ZC3H4: variants seen among roughly 807,000 people sequenced by gnomAD.
ZC3H4 encodes the protein zinc finger CCCH domain-containing protein 4.
Under a neutral mutation model 108.3 loss-of-function variants are expected in ZC3H4, and 13 were observed. The ratio of observed to expected loss-of-function variants is 0.12; its 90% confidence interval spans 0.08 to 0.19. The LOEUF (loss-of-function observed/expected upper bound fraction) is 0.19, where lower values mean the gene tolerates loss of function less well. ZC3H4 is among the 10% of genes least tolerant of loss of function. The pLI is 1.00. For synonymous variants in ZC3H4, 917 were observed against 749.6 expected, an observed-to-expected ratio of 1.22 and a Z score of -3.65; for missense variants, 1,734 against 1,838.8, an observed-to-expected ratio of 0.94 and a Z score of 1.04.
chr19:47,094,279 G>C, intron 3 of ZC3H4, 110 bp downstream of exon 3: 2 of 1,268,592 alleles, frequency 1.6e-6, no homozygotes, highest in South Asian at 2.7e-5. Flanking sequence ...TTTGAGATAA[G>C]CAAAGGCATT....
chr19:47,108,931 G>A lies in ZC3H4; in HGVS notation c.161+3493C>T, dbSNP rs190888491. Among the ~76,000 whole-genome samples, 63 of 152,180 alleles carry A rather than the reference G, an allele frequency of 4.1e-4. 1 individual carries two copies. In the East Asian group the frequency reaches 0.012, roughly 28 times the overall value. On this transcript the variant is annotated intron_variant, in intron 2 of 14. Coordinates refer to ENST00000253048, the MANE Select transcript of ZC3H4 (RefSeq NM_015168.2). ...TTAAAAAATAAAGGGGTTTTATGAC[G>A]AGAACATCCATATTTCCATGGTCAC...
chr19:47,090,963 G>A (rs938541867), intron 4 of ZC3H4, among the ~76,000 whole-genome samples: 2 of 152,154 alleles, frequency 1.3e-5, no homozygotes, highest in Non-Finnish European at 2.9e-5. Context: ...ACTTAAAACA[G>A]CTCTAAAAAA....
At chr19:47,093,935 G>A (rs200531590) in intron 4 of ZC3H4, 35 bp downstream of exon 4, 22 of 1,571,042 alleles carry the variant, frequency 1.4e-5, no homozygotes, top group Non-Finnish European at 1.8e-5. Context: ...ACTCCTCCCG[G>A]CCCCAGAGCT....
rs1197462184 is a variant in ZC3H4 at position 47,072,384 on chromosome 19, G to A, written c.1770C>T (p.Pro590=). Residue 590 remains proline (P), a synonymous_variant, in exon 12 of 15, where the codon CCC becomes CCT. Transcript: ENST00000253048. This position sits in a 1 kb window ranked among gnomAD's most constrained non-coding sequence, Gnocchi z 5.6. ...IPSLFEIVVR[P]TGQLAEKLGV... ...CCAGCTTCTCAGCCAGCTGTCCCGT[G>A]GGCCGCACCACGATCTCAAACAAGG... 3 of 1,613,240 alleles carry A rather than the reference G, an allele frequency of 1.9e-6. No homozygotes were observed. The highest frequency in any genetic ancestry group is 3.3e-5 in the Admixed American group (2 of 59,938).
chr19:47,086,716 G>A (rs538785007), intron 5 of ZC3H4, among the ~76,000 whole-genome samples, 178 bp from the exon 6 acceptor site: 2 of 152,038 alleles, frequency 1.3e-5, no homozygotes, highest in Admixed American at 1.3e-4. Flanking sequence ...GGACCCTCTG[G>A]TTCTCTCAAT....
chr19:47,086,277 G>A, intron 6 of ZC3H4, 107 bp downstream of exon 6: 2 of 1,296,682 alleles, frequency 1.5e-6, no homozygotes, highest in Non-Finnish European at 2.2e-6. Flanking sequence ...CTTCAGAAGG[G>A]CCGTATGTCT....
chr19:47,066,089 C>A lies in ZC3H4; in HGVS notation c.*267G>T. 3.0e-6 allele frequency: 1 copy of A among 334,276 alleles called. No homozygotes were observed. Among genetic ancestry groups the A allele is most frequent in the Non-Finnish European group, 5.4e-6 (1 of 184,320 alleles). 20.7% of individuals were successfully genotyped at this position (334,276 alleles called of 1,614,324 possible). Reference sequence around the variant, plus strand: ...CTGAGGCCAGGCACTGGCGAAAGTTCACAGGTTTGCGGGCATGAGTCGGTT... The same window carrying A: ...CTGAGGCCAGGCACTGGCGAAAGTTAACAGGTTTGCGGGCATGAGTCGGTT... On this transcript the variant is annotated 3_prime_UTR_variant, in exon 15 of 15. Coordinates refer to ENST00000253048, the MANE Select transcript of ZC3H4 (RefSeq NM_015168.2).
At chr19:47,073,637 C>T (rs1444072600) in intron 11 of ZC3H4, among the ~76,000 whole-genome samples, 1 of 152,186 alleles carries the variant, frequency 6.6e-6, no homozygotes, top group Non-Finnish European at 1.5e-5. Flanking sequence ...TGTTATGTAA[C>T]CGCCACCTCT....
At chr19:47,112,302 TTCCTCCTCCTCCTCCTCCTCC>T in intron 2 of ZC3H4, 101 bp downstream of exon 2, 1 of 1,051,826 alleles carries the variant, frequency 9.5e-7, no homozygotes, top group Non-Finnish European at 1.2e-6. Flanking sequence ...GACCCCGCCC[TTCCTCCTCCTCCTCCTCCTCC>T]TCCTCCTCCG....
chr19:47,066,360 T>C lies in ZC3H4; in HGVS notation c.3908A>G (p.Gln1303Arg). Reference sequence around the variant, plus strand: ...AGCCGCAGCTCTGGCTGGACACTACTGGCAAAAGGGGGAGGCCGTGGGGTC... The same window carrying C: ...AGCCGCAGCTCTGGCTGGACACTACCGGCAAAAGGGGGAGGCCGTGGGGTC... The part of the protein sequence containing the change: ...GFDPTASPFC[Q>R] The change falls in exon 15 of 15, where the codon CAG becomes CGG. Residue 1303 changes from glutamine (Q) to arginine (R), a missense_variant. By Grantham distance (43) the Gln-to-Arg change is conservative. This residue lies in a region of ZC3H4 where 518 missense variants were observed against 499.6 expected (regional missense o/e 1.04). Transcript: ENST00000253048. The C allele has an allele frequency of 6.5e-7, 1 of 1,544,976 alleles. No homozygotes were observed. Among genetic ancestry groups the C allele is most frequent in the Non-Finnish European group, 8.7e-7 (1 of 1,147,552 alleles).
At chr19:47,073,523 G>A (rs1420862078) in intron 11 of ZC3H4, among the ~76,000 whole-genome samples, 1 of 151,850 alleles carries the variant, frequency 6.6e-6, no homozygotes, top group African/African-American at 2.4e-5. Flanking sequence ...AGTGAGCCGA[G>A]ATCACACTAC....
chr19:47,107,730 TCAA>T (rs1423447675), intron 2 of ZC3H4, among the ~76,000 whole-genome samples: 1 of 151,614 alleles, frequency 6.6e-6, no homozygotes, highest in African/African-American at 2.4e-5. Context: ...TTCATTTTTG[TCAA>T]CAACTACTAA....
Position 47,065,156 on chromosome 19 carries a change from TGGGAGCATGGG to T in ZC3H4, c.*1189_*1199del, listed in dbSNP as rs982104222. 6.6e-6 allele frequency: 1 copy of T among 152,148 alleles called. No individual in the cohort carries two copies. The highest frequency in any genetic ancestry group is 1.5e-5 in the Non-Finnish European group (1 of 68,048). The allele number at this position is 152,148 out of a possible 1,614,324, so 9.4% of individuals were successfully genotyped here. On this transcript the variant is annotated 3_prime_UTR_variant, in exon 15 of 15. Transcript: ENST00000253048. ...AGATGAGGCTGGCCCTCAGCCAGGG[TGGGAGCATGGG>T]GGGAGCAGAGGCTCCCCATCCCCTG...
chr19:47,082,062 C>A, intron 10 of ZC3H4, 122 bp downstream of exon 10: 1 of 858,228 alleles, frequency 1.2e-6, no homozygotes, highest in Admixed American at 1.9e-5. Flanking sequence ...GATGGAGACT[C>A]ACAGAAAGCT....
chr19:47,099,821 TAAAAAAAAAAA>T (rs34876026), intron 2 of ZC3H4, among the ~76,000 whole-genome samples: 10 of 103,154 alleles, frequency 9.7e-5, no homozygotes, highest in South Asian at 6.0e-4. Context: ...TACAAGAGTT[TAAAAAAAAAAA>T]AAAAAAAAAA....
At chr19:47,104,393 C>T (rs1039640831) in intron 2 of ZC3H4, among the ~76,000 whole-genome samples, 1 of 152,090 alleles carries the variant, frequency 6.6e-6, no homozygotes, top group Non-Finnish European at 1.5e-5. Context: ...CTGTGGGTTC[C>T]TTAAGGGCAG....
chr19:47,111,866 G>A (rs2058043863), intron 2 of ZC3H4, among the ~76,000 whole-genome samples: 1 of 152,152 alleles, frequency 6.6e-6, no homozygotes, highest in Admixed American at 6.5e-5. Context: ...AAGTAGGACA[G>A]GGTGTGCCTC....
At chr19:47,096,704 C>T (rs747602580) in intron 2 of ZC3H4, 8 of 713,516 alleles carry the variant, frequency 1.1e-5, no homozygotes, top group South Asian at 1.3e-4. Context: ...ACATTACTCT[C>T]GACACTTAAG....
intron 2 of ZC3H4, among the ~76,000 whole-genome samples, chr19:47,105,562 G>A (rs951457045): frequency 3.3e-5 from 5 of 152,126 alleles, no homozygotes; most frequent in Admixed American, 2.0e-4. Context: ...TCATGCCACC[G>A]CACTCCAGCC....
Sources: allele counts gnomAD v4.1 joint callset (sites outside exome capture counted in the v4.1 genomes callset), GRCh38; gene constraint gnomAD v4.1.1; regional missense constraint gnomAD v4.1.1; non-coding constraint Gnocchi (gnomAD v3.1); transcripts MANE v1.5; gene names NCBI Gene and HGNC (gene_info 2026-07-23, HGNC 2026-07-21).